ZBTB41: variants seen among roughly 807,000 people sequenced by gnomAD.
ZBTB41 encodes zinc finger and BTB domain containing 41.
ZBTB41 carries 42 observed loss-of-function variants against 87.6 expected under a neutral mutation model. The ratio of observed to expected loss-of-function variants is 0.48; its 90% CI spans 0.37 to 0.62. The LOEUF (loss-of-function observed/expected upper bound fraction) is 0.62, where lower values mean the gene tolerates loss of function less well. Ranked by LOEUF, ZBTB41 falls within the 20% of genes least tolerant of loss-of-function variation. The pLI, the probability that ZBTB41 is intolerant of heterozygous loss-of-function variation, is 0.00. For synonymous variants in ZBTB41, 364 were observed against 364.0 expected, an observed-to-expected ratio of 1.00 and a Z score of 0.00; for missense variants, 799 against 1,078.9, an observed-to-expected ratio of 0.74 and a Z score of 3.63.
At chr1:197,191,451 T>C (rs1362738829) in intron 3 of ZBTB41, among the ~76,000 whole-genome samples, 2 of 83,676 alleles carry the variant, frequency 2.4e-5, no homozygotes, top group East Asian at 7.6e-4. Flanking sequence ...AGTGAAGCCC[T>C]ACTTCAAAAA....
intron 1 of ZBTB41, among the ~76,000 whole-genome samples, chr1:197,200,799 C>T (rs1461237184): frequency 6.6e-6 from 1 of 152,138 alleles, no homozygotes; most frequent in African/African-American, 2.4e-5. Context: ...TTTAAAGGAA[C>T]CCAGGCACAC....
At chr1:197,160,045 G>T (rs771294363) in intron 10 of ZBTB41, 31 bp from the exon 11 acceptor site, 6 of 1,555,356 alleles carry the variant, frequency 3.9e-6, no homozygotes, top group Non-Finnish European at 5.3e-6. Context: ...ATAATTAGAT[G>T]TAAAATGTAC....
In ZBTB41 at chr1:197,158,600, C is replaced by A. The variant is rs967843121; in HGVS notation, c.*759G>T. The A allele has an allele frequency of 6.6e-6, 1 of 152,056 alleles. No individual in the cohort carries two copies. Among genetic ancestry groups the A allele is most frequent in the Admixed American group, 6.6e-5 (1 of 15,232 alleles). The allele number at this position is 152,056 out of a possible 1,614,324, so 9.4% of individuals were successfully genotyped here. A position where few individuals can be genotyped will look rare whatever the true frequency, so the allele number is the denominator to read the frequency against. Reference sequence around the variant, plus strand: ...CCTTGAAAAACATCTAGTTAAAACTCTCATATTTTTCTTGTAACACATTTT... The same window carrying A: ...CCTTGAAAAACATCTAGTTAAAACTATCATATTTTTCTTGTAACACATTTT... On this transcript the variant is annotated 3_prime_UTR_variant, in exon 11 of 11. Transcript: ENST00000367405.
At chr1:197,175,322 T>C (rs1659576348) in intron 8 of ZBTB41, among the ~76,000 whole-genome samples, 1 of 150,668 alleles carries the variant, frequency 6.6e-6, no homozygotes, top group Non-Finnish European at 1.5e-5. Context: ...TGTGAATCTT[T>C]TCCCCGCTTG....
At position 197,156,000 on chromosome 1, in the gene ZBTB41, T is replaced by G. The variant is rs1006393940; in HGVS notation, c.*3359A>C. 3 of 152,296 alleles carry G rather than the reference T, an allele frequency of 2.0e-5. No homozygotes were observed. The highest frequency in any genetic ancestry group is 4.4e-5 in the Non-Finnish European group (3 of 67,794). The allele number at this position is 152,296 out of a possible 1,614,324, so 9.4% of individuals were successfully genotyped here. On this transcript the variant is annotated 3_prime_UTR_variant, in exon 11 of 11. Coordinates refer to ENST00000367405, the MANE Select transcript of ZBTB41 (RefSeq NM_194314.3). The stretch of plus-strand genomic sequence containing the variant: ...AAAAAAATTCGAAGGCAAAAATTAT[T>G]TTGATAGTGTAGTGTAAAAAATAGG...
At chr1:197,171,926 C>G (rs894618065) in intron 10 of ZBTB41, among the ~76,000 whole-genome samples, 1 of 151,608 alleles carries the variant, frequency 6.6e-6, no homozygotes, top group Non-Finnish European at 1.5e-5. Context: ...AAAGTTTTCT[C>G]AAGTTTTGTA....
At chr1:197,180,962 T>C in intron 6 of ZBTB41, 26 bp downstream of exon 6, 1 of 1,578,436 alleles carries the variant, frequency 6.3e-7, no homozygotes. Flanking sequence ...ACTAGGATTT[T>C]TGTGGGTGTG....
intron 9 of ZBTB41, 133 bp downstream of exon 9, chr1:197,174,877 G>C (rs1201003819): frequency 1.7e-6 from 1 of 585,446 alleles, no homozygotes; most frequent in Non-Finnish European, 2.9e-6. Flanking sequence ...TAGGTCTATA[G>C]AGATGCTACA....
At chr1:197,184,949 G>C (rs1659845242) in intron 5 of ZBTB41, among the ~76,000 whole-genome samples, 1 of 151,974 alleles carries the variant, frequency 6.6e-6, no homozygotes, top group South Asian at 2.1e-4. Flanking sequence ...TGAGTAGCTG[G>C]GATTACAGGC....
At chr1:197,166,624 T>A (rs1659350225) in intron 10 of ZBTB41, among the ~76,000 whole-genome samples, 1 of 151,444 alleles carries the variant, frequency 6.6e-6, no homozygotes, top group Non-Finnish European at 1.5e-5. Flanking sequence ...GGTGGGTAGA[T>A]CACAAGGTCA....
chr1:197,188,940 A>G (rs930163970), intron 4 of ZBTB41, among the ~76,000 whole-genome samples: 2 of 152,190 alleles, frequency 1.3e-5, no homozygotes, highest in Admixed American at 6.5e-5. Context: ...GACATAGCAC[A>G]TATTATATAT....
Position 197,188,407 on chromosome 1 carries a change from G to A in ZBTB41, c.1431C>T (p.His477=), listed in dbSNP as rs1454929006. 4.3e-6 allele frequency: 7 copies of A among 1,611,242 alleles called. No homozygotes were observed. The Admixed American group carries it at 5.1e-5, about 12-fold the overall frequency. ...AATGTAGAATCATATGTTCCTCCAA[G>A]TGTGGTCTTCGAGTAAAAGATTTCT... is the stretch of plus-strand genomic sequence containing the variant. ...ICKKSFTRRP[H]LEEHMILHSQ... is the part of the protein sequence containing the mutation. The change falls in exon 5 of 11, where the codon CAC becomes CAT. Residue 477 remains histidine, a synonymous_variant. Transcript: ENST00000367405.
In ZBTB41 at chr1:197,188,325, C is replaced by A; in HGVS notation, c.1513G>T (p.Ala505Ser). Residue 505 changes from alanine (A) to serine (S), a missense_variant, in exon 5 of 11, where the codon GCT becomes TCT. By Grantham distance (99) the Ala-to-Ser change is moderately conservative. This residue lies in a region of ZBTB41 where 198 missense variants were observed against 358.4 expected (regional missense o/e 0.55). Transcript: ENST00000367405. The stretch of plus-strand genomic sequence containing the variant: ...AACTTTTCTTGATGCTTTAACCGAG[C>A]AAACCGTGATTTAAAATGTTCTTCA... ...YCEEHFKSRF[A>S]RLKHQEKFHL... The A allele has an allele frequency of 6.2e-7, 1 of 1,613,466 alleles. No homozygotes were observed. Among genetic ancestry groups the A allele is most frequent in the Non-Finnish European group, 8.5e-7 (1 of 1,179,830 alleles).
intron 4 of ZBTB41, among the ~76,000 whole-genome samples, chr1:197,189,269 C>A (rs1236327406): frequency 6.6e-6 from 1 of 152,110 alleles, no homozygotes. Context: ...CCCCTGTAAT[C>A]CCGGGAAGCA....
At chr1:197,197,055 T>C (rs1660181655) in intron 2 of ZBTB41, among the ~76,000 whole-genome samples, 1 of 152,176 alleles carries the variant, frequency 6.6e-6, no homozygotes, top group South Asian at 2.1e-4. Context: ...GTTTGGCAGC[T>C]TAGAGACAAT....
At chr1:197,180,646 T>C (rs1410439444) in intron 6 of ZBTB41, among the ~76,000 whole-genome samples, 1 of 152,130 alleles carries the variant, frequency 6.6e-6, no homozygotes, top group Non-Finnish European at 1.5e-5. Flanking sequence ...TCCATCTGTT[T>C]TATAGCTTCC....
intron 5 of ZBTB41, among the ~76,000 whole-genome samples, chr1:197,182,861 C>G (rs942030695): frequency 1.3e-5 from 2 of 152,146 alleles, no homozygotes; most frequent in Admixed American, 1.3e-4. Context: ...TGGGGCCATA[C>G]GCCAGACCTA....
chr1:197,161,545 C>T (rs1368517073), intron 10 of ZBTB41, among the ~76,000 whole-genome samples: 1 of 151,986 alleles, frequency 6.6e-6, no homozygotes, highest in African/African-American at 2.4e-5. Flanking sequence ...TTACCTAGTA[C>T]TACTGAATTT....
At position 197,175,151 on chromosome 1, in the gene ZBTB41, T is replaced by C. The variant is rs777791043; in HGVS notation, c.1880-36A>G. ...AGACCCAAATATTTTCATTATAATA[T>C]ACATCTCAGGTTTTTATCCCCAGAA... On this transcript the variant is annotated intron_variant, in intron 8 of 10. Transcript: ENST00000367405. The C allele has an allele frequency of 5.2e-6, 8 of 1,552,686 alleles. No homozygotes were observed. The East Asian group carries it at 9.1e-5, about 18-fold the overall frequency.
Sources: allele counts gnomAD v4.1 joint callset (sites outside exome capture counted in the v4.1 genomes callset), GRCh38; gene constraint gnomAD v4.1.1; regional missense constraint gnomAD v4.1.1; transcripts MANE v1.5; gene names NCBI Gene and HGNC (gene_info 2026-07-23, HGNC 2026-07-21).